The following UNC13C variants were observed in gnomAD, a reference collection of about 807,000 sequenced individuals.
UNC13C encodes protein unc-13 homolog C.
UNC13C carries 174 observed loss-of-function variants against 245.4 expected under a neutral mutation model. That is an observed-to-expected ratio of 0.71 (90% CI 0.63 to 0.80). UNC13C has a LOEUF of 0.80. Among genes scored for constraint, UNC13C ranks in the 30% least tolerant of loss-of-function variants. UNC13C has a pLI of 0.00. For missense variants in UNC13C, 2,829 were observed against 2,602.9 expected (o/e 1.09, Z -1.89); for synonymous variants, 992 against 895.1 (o/e 1.11, Z -1.93).
At chr15:54,301,571 G>C (rs943202349) in intron 13 of UNC13C, among the ~76,000 whole-genome samples, 3 of 152,096 alleles carry the variant, frequency 2.0e-5, no homozygotes, top group Admixed American at 6.5e-5. Context: ...AGTTTGCTGA[G>C]AATGACGGTT....
intron 4 of UNC13C, among the ~76,000 whole-genome samples, chr15:54,146,953 C>T (rs2032285846): frequency 2.0e-5 from 3 of 152,218 alleles, no homozygotes; most frequent in South Asian, 2.1e-4. Context: ...GTCATTCAGA[C>T]AAATGCAGAG....
At chr15:54,456,872 CT>C (rs1219404615) in intron 19 of UNC13C, among the ~76,000 whole-genome samples, 1 of 152,008 alleles carries the variant, frequency 6.6e-6, no homozygotes, top group Non-Finnish European at 1.5e-5. Context: ...CCCTTCATTA[CT>C]TTCTCTTGTC....
chr15:54,156,209 C>T (rs2032739057), intron 4 of UNC13C, among the ~76,000 whole-genome samples: 1 of 152,116 alleles, frequency 6.6e-6, no homozygotes, highest in Non-Finnish European at 1.5e-5. Context: ...AGACATTAGT[C>T]TCCAGAAGCA....
At chr15:54,191,772 T>C (rs1366665232) in intron 4 of UNC13C, among the ~76,000 whole-genome samples, 1 of 152,214 alleles carries the variant, frequency 6.6e-6, no homozygotes, top group Non-Finnish European at 1.5e-5. Context: ...TGTCTCATTG[T>C]GGTTTTGATT....
chr15:54,009,876 T>C (rs568456558), intron 1 of UNC13C, among the ~76,000 whole-genome samples: 1 of 152,280 alleles, frequency 6.6e-6, no homozygotes, highest in South Asian at 2.1e-4. Context: ...GTAATCTGGA[T>C]CAAGGGACTG....
the UNC13C span, among the ~76,000 whole-genome samples, chr15:53,915,104 C>T: frequency 1.3e-5 from 2 of 152,148 alleles, no homozygotes; most frequent in Non-Finnish European, 2.9e-5. Flanking sequence ...GGGTTCAATT[C>T]CCCTGACTTC....
intron 15 of UNC13C, among the ~76,000 whole-genome samples, chr15:54,333,436 A>G (rs1022275990): frequency 7.2e-5 from 11 of 152,020 alleles, no homozygotes; most frequent in South Asian, 2.1e-4. Flanking sequence ...TTTCCTATGT[A>G]TGCTATACTT....
intron 4 of UNC13C, among the ~76,000 whole-genome samples, chr15:54,233,565 T>C (rs2035608956): frequency 6.6e-6 from 1 of 152,232 alleles, no homozygotes. Flanking sequence ...TTGTTTTCAT[T>C]TCTATTGACA....
intron 19 of UNC13C, among the ~76,000 whole-genome samples, chr15:54,430,087 T>A (rs959074128): frequency 9.9e-5 from 15 of 151,698 alleles, no homozygotes; most frequent in African/African-American, 3.4e-4. Context: ...AGCATTTTTT[T>A]AATTTAACCC....
At chr15:54,206,920 G>T (rs549458240) in intron 4 of UNC13C, among the ~76,000 whole-genome samples, 11 of 151,970 alleles carry the variant, frequency 7.2e-5, no homozygotes, top group African/African-American at 2.7e-4. Context: ...TGTTTAGATC[G>T]CCAAAAGAAA....
chr15:54,092,492 T>C (rs566537095), intron 2 of UNC13C, among the ~76,000 whole-genome samples: 64 of 152,340 alleles, frequency 4.2e-4, no homozygotes, highest in African/African-American at 1.5e-3. Flanking sequence ...GTAAGTGTTA[T>C]AATCCCTCTT....
At chr15:53,862,850 G>T in the UNC13C span, among the ~76,000 whole-genome samples, 1 of 152,046 alleles carries the variant, frequency 6.6e-6, no homozygotes, top group Non-Finnish European at 1.5e-5. Flanking sequence ...TATGATTTGA[G>T]GGGTAACAAC....
the UNC13C span, among the ~76,000 whole-genome samples, chr15:53,867,527 T>C: frequency 0.98 from 148,931 of 152,248 alleles, 72,923 homozygotes; most frequent in East Asian, 1. Flanking sequence ...AGGCTCGAGG[T>C]ATCCACTGAA....
At chr15:54,631,494 A>C (rs1325968671), downstream of UNC13C, 1 of 152,174 alleles carries the variant, frequency 6.6e-6, no homozygotes, top group South Asian at 2.1e-4. Flanking sequence ...CCACGTTACC[A>C]CTTTATAGAC....
chr15:54,572,152 G>A lies in UNC13C; in HGVS notation c.6106+4205G>A, dbSNP rs552856104. Among the ~76,000 whole-genome samples, 15 of 151,996 alleles carry A rather than the reference G, an allele frequency of 9.9e-5. No individual in the cohort carries two copies. In the South Asian group the frequency reaches 2.1e-3, roughly 21 times the overall value. On this transcript the variant is annotated intron_variant, in intron 30 of 32. Coordinates refer to ENST00000260323, the MANE Select transcript of UNC13C (RefSeq NM_001080534.3). ...GCTAAAAAGCAGGGTGCCAGATCCC[G>A]GGTCAACATGTATCTAAACTCTGTG...
At chr15:54,228,889 A>G (rs951189054) in intron 4 of UNC13C, among the ~76,000 whole-genome samples, 5 of 152,304 alleles carry the variant, frequency 3.3e-5, no homozygotes, top group Non-Finnish European at 5.9e-5. Flanking sequence ...CATTTGCCCA[A>G]GTCCACTGGC....
intron 19 of UNC13C, among the ~76,000 whole-genome samples, chr15:54,421,330 T>C (rs765867253): frequency 1.8e-4 from 27 of 152,010 alleles, no homozygotes; most frequent in Non-Finnish European, 3.1e-4. Context: ...AGAAGAATGC[T>C]AAATAGCCTA....
chr15:53,854,162 C>A, the UNC13C span, among the ~76,000 whole-genome samples: 1 of 140,546 alleles, frequency 7.1e-6, no homozygotes, highest in Non-Finnish European at 1.5e-5. Context: ...ACTCTGCCAC[C>A]CAGGCTGGAG....
chr15:54,433,333 A>C (rs929699957), intron 19 of UNC13C, among the ~76,000 whole-genome samples: 3 of 152,132 alleles, frequency 2.0e-5, no homozygotes, highest in African/African-American at 4.8e-5. Context: ...AAAAATCCTC[A>C]ATAAAGTACT....
Sources: gnomAD v4.1 joint callset for allele counts (sites outside exome capture counted in the v4.1 genomes callset) on GRCh38, gnomAD v4.1.1 for gene constraint, MANE v1.5 for transcripts, NCBI Gene and HGNC (gene_info 2026-07-23, HGNC 2026-07-21) for gene names.